SYCP2: variants seen among roughly 807,000 people sequenced by gnomAD.
The protein encoded by SYCP2 is synaptonemal complex protein 2, also known as synaptonemal complex lateral element protein.
In SYCP2, 55 loss-of-function variants were observed where a neutral mutation model predicts 211.3. The ratio of observed to expected loss-of-function variants is 0.26; its 90% CI spans 0.21 to 0.33. The LOEUF is 0.33. Ranked by LOEUF, SYCP2 falls within the 10% of genes least tolerant of loss-of-function variation. The pLI is 1.00. For missense variants in SYCP2, 1,731 were observed against 1,752.0 expected (o/e 0.99, Z 0.21); for synonymous variants, 570 against 555.2 (o/e 1.03, Z -0.37).
At chr20:59,918,243 G>A (rs1053027457) in intron 7 of SYCP2, among the ~76,000 whole-genome samples, 3 of 152,178 alleles carry the variant, frequency 2.0e-5, no homozygotes, top group African/African-American at 7.2e-5. Flanking sequence ...GTTTCTAAAT[G>A]AACTGGGCAC....
intron 3 of SYCP2, 109 bp from the exon 4 acceptor site, chr20:59,921,562 C>T: frequency 1.5e-6 from 1 of 666,490 alleles, no homozygotes. Flanking sequence ...CAAATGAACT[C>T]ATAAAATATT....
intron 16 of SYCP2, 99 bp from the exon 17 acceptor site, chr20:59,900,917 T>C: frequency 1.0e-6 from 1 of 970,496 alleles, no homozygotes; most frequent in Non-Finnish European, 1.6e-6. Context: ...ATTTCCTGTT[T>C]TCTTCCAAAA....
chr20:59,893,082 A>G, intron 22 of SYCP2, 60 bp downstream of exon 22: 2 of 1,146,860 alleles, frequency 1.7e-6, no homozygotes, highest in South Asian at 1.4e-5. Flanking sequence ...CAAATCTGTT[A>G]CATTCACTGA....
chr20:59,872,026 G>T (rs1433586381), intron 35 of SYCP2, among the ~76,000 whole-genome samples: 1 of 151,910 alleles, frequency 6.6e-6, no homozygotes, highest in Non-Finnish European at 1.5e-5. Flanking sequence ...TTGAAAATAT[G>T]CCTTGGGGAT....
At chr20:59,904,739 T>TA (rs879637894) in intron 15 of SYCP2, among the ~76,000 whole-genome samples, 4 of 152,162 alleles carry the variant, frequency 2.6e-5, no homozygotes, top group South Asian at 2.1e-4. Context: ...GGGAAACTTA[T>TA]AAAAAAAGAT....
chr20:59,899,590 A>C (rs1326115088), intron 18 of SYCP2, among the ~76,000 whole-genome samples: 2 of 152,144 alleles, frequency 1.3e-5, no homozygotes, highest in Non-Finnish European at 2.9e-5. Flanking sequence ...GTAGTAATAG[A>C]AGCAGAAAGG....
intron 34 of SYCP2, among the ~76,000 whole-genome samples, chr20:59,874,397 C>T (rs1290187501): frequency 6.6e-6 from 1 of 152,022 alleles, no homozygotes; most frequent in South Asian, 2.1e-4. Flanking sequence ...GTTATATATA[C>T]ACATCACAAA....
At position 59,881,830 on chromosome 20, in the gene SYCP2, T is replaced by G. The variant is rs575965286; in HGVS notation, c.2658+115A>C. The G allele has an allele frequency of 2.7e-5, 19 of 691,512 alleles. No homozygotes were observed. The Middle Eastern group carries it at 1.3e-3, about 46-fold the overall frequency. 42.8% of individuals were successfully genotyped at this position (691,512 alleles called of 1,614,324 possible). A position where few individuals can be genotyped will look rare whatever the true frequency, so the allele number is the denominator to read the frequency against. ...TATCCAAAATATTATTATATATTTCTTAAAAATTTTAAAGCATATGAGGAT... is the reference window on the plus strand; with the variant it reads ...TATCCAAAATATTATTATATATTTCGTAAAAATTTTAAAGCATATGAGGAT... On this transcript the variant is annotated intron_variant, in intron 28 of 44. Coordinates refer to ENST00000357552, the MANE Select transcript of SYCP2 (RefSeq NM_014258.4).
intron 36 of SYCP2, 105 bp from the exon 37 acceptor site, chr20:59,869,030 A>C: frequency 1.4e-6 from 1 of 718,426 alleles, no homozygotes; most frequent in African/African-American, 1.8e-5. Context: ...AATGCTGTCA[A>C]TTCTTTCTCA....
At position 59,919,235 on chromosome 20, in the gene SYCP2, A is replaced by G. The variant is rs191753972; in HGVS notation, c.403-53T>C. 14 of 902,942 alleles carry G rather than the reference A, an allele frequency of 1.6e-5. No homozygotes were observed. In the Admixed American group the frequency reaches 2.8e-4, roughly 18 times the overall value. The allele number at this position is 902,942 out of a possible 1,614,324, so 55.9% of individuals were successfully genotyped here. ...TACAAGTTACTATATATTACAAACC[A>G]TTACAATATTATAAACCATTACAAA... On this transcript the variant is annotated intron_variant, in intron 6 of 44. Transcript: ENST00000357552.
At chr20:59,877,983 T>A (rs2059593984) in intron 32 of SYCP2, 25 bp downstream of exon 32, 3 of 1,571,056 alleles carry the variant, frequency 1.9e-6, no homozygotes, top group Non-Finnish European at 2.6e-6. Flanking sequence ...TAAAGGGATG[T>A]TTGAACACAA....
chr20:59,876,569 C>CA (rs1255816182), intron 33 of SYCP2, among the ~76,000 whole-genome samples: 1 of 151,680 alleles, frequency 6.6e-6, no homozygotes, highest in African/African-American at 2.4e-5. Flanking sequence ...TCTCTGGTTT[C>CA]AAATCCTAGA....
chr20:59,907,909 T>C (rs913890085), intron 14 of SYCP2, among the ~76,000 whole-genome samples: 2 of 152,196 alleles, frequency 1.3e-5, no homozygotes, highest in Non-Finnish European at 2.9e-5. Flanking sequence ...TGAAAATGTG[T>C]ATAACTGAAT....
chr20:59,921,352 G>A lies in SYCP2; in HGVS notation c.126C>T (p.Cys42=). The A allele has an allele frequency of 6.2e-7, 1 of 1,606,514 alleles. No individual in the cohort carries two copies. The highest frequency in any genetic ancestry group is 1.1e-5 in the South Asian group (1 of 90,246). The change falls in exon 4 of 45, where the codon TGC becomes TGT. Residue 42 remains cysteine (C), a synonymous_variant. Transcript: ENST00000357552. The part of the protein sequence containing the change: ...IDICEDVKIK[C]SKQFFHKVDN... ...CCACCTTGTGGAAAAACTGTTTGCT[G>A]CATTTAATCTTCACATCTTCACAAA... is the stretch of plus-strand genomic sequence containing the variant.
At chr20:59,878,769 A>G (rs560233759) in intron 31 of SYCP2, among the ~76,000 whole-genome samples, 33 of 152,286 alleles carry the variant, frequency 2.2e-4, no homozygotes, top group African/African-American at 7.0e-4. Context: ...CACAATGTTA[A>G]TAAGATTTAC....
At chr20:59,878,177 T>G in intron 31 of SYCP2, 132 bp from the exon 32 acceptor site, 2 of 642,468 alleles carry the variant, frequency 3.1e-6, no homozygotes, top group Non-Finnish European at 5.0e-6. Context: ...TGTGTTAGCA[T>G]TTAATAAGTG....
chr20:59,904,102 T>C (rs1355396878), intron 15 of SYCP2, among the ~76,000 whole-genome samples: 3 of 152,020 alleles, frequency 2.0e-5, no homozygotes, highest in Non-Finnish European at 4.4e-5. Flanking sequence ...GAGTAACAAA[T>C]AGGACACTTA....
chr20:59,876,948 A>G (rs914477903), intron 33 of SYCP2, among the ~76,000 whole-genome samples: 2 of 152,168 alleles, frequency 1.3e-5, no homozygotes, highest in Non-Finnish European at 2.9e-5. Context: ...TTGCTTTCAA[A>G]AACAGGTGAC....
rs74331891 is a variant in SYCP2 at position 59,876,421 on chromosome 20, A to C, written c.3151-952T>G. On this transcript the variant is annotated intron_variant, in intron 33 of 44. Coordinates refer to ENST00000357552, the MANE Select transcript of SYCP2 (RefSeq NM_014258.4). ...AAAAAAAAAAAAAAAAGAAGAAGTG[A>C]TAGAAAATGTAGACCTAAGTTAGGA... Among the ~76,000 whole-genome samples the C allele has an allele frequency of 3.2e-4, 43 of 135,858 alleles. 1 individual carries two copies. The East Asian group carries it at 9.7e-3, about 31-fold the overall frequency. 89.1% of individuals were successfully genotyped at this position (135,858 alleles called of 152,430 possible). A position where few individuals can be genotyped will look rare whatever the true frequency, so the allele number is the denominator to read the frequency against.
Sources: allele counts gnomAD v4.1 joint callset (sites outside exome capture counted in the v4.1 genomes callset), GRCh38; gene constraint gnomAD v4.1.1; transcripts MANE v1.5; gene names NCBI Gene and HGNC (gene_info 2026-07-23, HGNC 2026-07-21).